The following FYB1 variants were observed in gnomAD, a reference collection of about 807,000 sequenced individuals.
FYB1 encodes FYN binding protein 1.
In FYB1, 41 loss-of-function variants were observed where a neutral mutation model predicts 94.1. The ratio of observed to expected loss-of-function variants is 0.44; its 90% CI spans 0.34 to 0.57. The LOEUF (loss-of-function observed/expected upper bound fraction) is 0.57, where lower values mean the gene tolerates loss of function less well. Among genes scored for constraint, FYB1 ranks in the 20% least tolerant of loss-of-function variants. The pLI, the probability that FYB1 is intolerant of heterozygous loss-of-function variation, is 0.02. For synonymous variants in FYB1, 367 were observed against 353.2 expected (o/e 1.04, Z -0.44); for missense variants, 1,050 against 976.8 (o/e 1.07, Z -1.00).
chr5:39,118,941 AC>A lies in FYB1; in HGVS notation c.2333del (p.Gly778ValfsTer4). The A allele has an allele frequency of 6.4e-7, 1 of 1,574,090 alleles. No homozygotes were observed. Among genetic ancestry groups the A allele is most frequent in the Non-Finnish European group, 8.7e-7 (1 of 1,155,564 alleles). On this transcript the variant is annotated frameshift_variant, in exon 16 of 19. Transcript: ENST00000512982. LOFTEE classifies it high-confidence loss of function. Reference protein sequence around the residue: ...WGTRDLQVKPGESLEVIQTTD... With the variant: ...WGTRDLQVKPXESLEVIQTTD... ...TGGTTTGTATAACTTCTAGAGATTC[AC>A]CAGGTTTTACCTGTAGATCTCTGGT...
intron 3 of FYB1, among the ~76,000 whole-genome samples, chr5:39,145,909 T>A (rs952335315): frequency 6.8e-6 from 1 of 147,118 alleles, no homozygotes; most frequent in Non-Finnish European, 1.5e-5. Flanking sequence ...TCTTTTTTTT[T>A]TTCTTTTTTT....
At chr5:39,162,895 T>C (rs968143094) in intron 2 of FYB1, among the ~76,000 whole-genome samples, 3 of 152,166 alleles carry the variant, frequency 2.0e-5, no homozygotes, top group Non-Finnish European at 2.9e-5. Flanking sequence ...TTATAAGACA[T>C]TTTATTTGTG....
At chr5:39,133,069 A>G (rs544043998) in intron 9 of FYB1, among the ~76,000 whole-genome samples, 1 of 152,370 alleles carries the variant, frequency 6.6e-6, no homozygotes, top group African/African-American at 2.4e-5. Context: ...TAGAAAGACA[A>G]AACTGCTAGA....
chr5:39,165,084 A>T (rs922603009), intron 2 of FYB1, among the ~76,000 whole-genome samples: 5 of 152,224 alleles, frequency 3.3e-5, no homozygotes, highest in African/African-American at 1.2e-4. Context: ...TAAGTTAAAT[A>T]TTTGCTACTT....
chr5:39,253,011 G>A (rs1561310397), intron 1 of FYB1, among the ~76,000 whole-genome samples: 1 of 152,208 alleles, frequency 6.6e-6, no homozygotes, highest in Non-Finnish European at 1.5e-5. Flanking sequence ...TTTAAAAAGT[G>A]ATTTGAACCT....
chr5:39,156,312 A>G (rs1743746936), intron 2 of FYB1, among the ~76,000 whole-genome samples: 1 of 152,150 alleles, frequency 6.6e-6, no homozygotes, highest in Admixed American at 6.5e-5. Flanking sequence ...CTAACTTGAG[A>G]AACCCAGGAA....
intron 2 of FYB1, among the ~76,000 whole-genome samples, chr5:39,189,440 C>T (rs185759233): frequency 3.4e-4 from 51 of 152,176 alleles, no homozygotes; most frequent in African/African-American, 1.1e-3. Context: ...GAAAATAAAC[C>T]CACTTCCTCC....
At chr5:39,203,948 T>C (rs1357439197) in intron 1 of FYB1, among the ~76,000 whole-genome samples, 1 of 152,222 alleles carries the variant, frequency 6.6e-6, no homozygotes, top group Non-Finnish European at 1.5e-5. Context: ...GGAGTTTAAA[T>C]TTTTAGTTCT....
chr5:39,160,980 T>G (rs1367401403), intron 2 of FYB1, among the ~76,000 whole-genome samples: 1 of 152,208 alleles, frequency 6.6e-6, no homozygotes, highest in Admixed American at 6.5e-5. Context: ...AAAAGCAAGA[T>G]TTAAAAAAAC....
chr5:39,149,369 T>A, intron 3 of FYB1, among the ~76,000 whole-genome samples: 1 of 152,192 alleles, frequency 6.6e-6, no homozygotes. Context: ...GGGAGAACTG[T>A]AAACCTTAGG....
chr5:39,188,092 T>C (rs980467930), intron 2 of FYB1, among the ~76,000 whole-genome samples: 9 of 152,142 alleles, frequency 5.9e-5, no homozygotes, highest in Non-Finnish European at 1.3e-4. Context: ...CTACCAATTA[T>C]TGAAGTAGTG....
At chr5:39,234,190 A>C (rs1299883832) in intron 1 of FYB1, among the ~76,000 whole-genome samples, 1 of 152,170 alleles carries the variant, frequency 6.6e-6, no homozygotes, top group Non-Finnish European at 1.5e-5. Flanking sequence ...TCATGGAAAC[A>C]TAAAGAGTAT....
chr5:39,261,305 T>TAA (rs34116289), intron 1 of FYB1, among the ~76,000 whole-genome samples: 1 of 122,112 alleles, frequency 8.2e-6, no homozygotes, highest in African/African-American at 3.0e-5. Context: ...AAAGTAGAAT[T>TAA]AAAAAAAAAA....
intron 1 of FYB1, among the ~76,000 whole-genome samples, chr5:39,228,300 T>C (rs1399228534): frequency 6.6e-6 from 1 of 152,238 alleles, no homozygotes; most frequent in African/African-American, 2.4e-5. Flanking sequence ...CAACTTTATA[T>C]ATAATGTTTA....
At chr5:39,185,220 T>G (rs1746637414) in intron 2 of FYB1, among the ~76,000 whole-genome samples, 1 of 152,156 alleles carries the variant, frequency 6.6e-6, no homozygotes, top group Admixed American at 6.5e-5. Context: ...GATGGTTGTC[T>G]TATTCTTACC....
intron 16 of FYB1, among the ~76,000 whole-genome samples, chr5:39,111,404 A>C (rs2150257308): frequency 6.6e-6 from 1 of 152,106 alleles, no homozygotes; most frequent in African/African-American, 2.4e-5. Flanking sequence ...ATAAGGAGAA[A>C]GCTCATAAGC....
In FYB1 at chr5:39,107,363, G is replaced by C. The variant is rs559508737; in HGVS notation, c.*80C>G. 18 of 943,116 alleles carry C rather than the reference G, an allele frequency of 1.9e-5. No individual in the cohort carries two copies. The African/African-American group carries it at 2.9e-4, about 15-fold the overall frequency. 58.4% of individuals were successfully genotyped at this position (943,116 alleles called of 1,614,324 possible). ...AGTGGTTTTGTGCATTAATTTTCTTGATACCCAATAACATGCCAATTAAAA... is the reference window on the plus strand; with the variant it reads ...AGTGGTTTTGTGCATTAATTTTCTTCATACCCAATAACATGCCAATTAAAA... On this transcript the variant is annotated 3_prime_UTR_variant, in exon 19 of 19. Coordinates refer to ENST00000512982, the MANE Select transcript of FYB1 (RefSeq NM_001465.6).
chr5:39,258,433 C>G (rs1369897316), intron 1 of FYB1, among the ~76,000 whole-genome samples: 1 of 152,072 alleles, frequency 6.6e-6, no homozygotes, highest in African/African-American at 2.4e-5. Flanking sequence ...AACCCCATCT[C>G]TAATAAAAAT....
chr5:39,257,316 C>T (rs1044303206), intron 1 of FYB1, among the ~76,000 whole-genome samples: 4 of 151,598 alleles, frequency 2.6e-5, no homozygotes, highest in Admixed American at 1.3e-4. Flanking sequence ...ACTTATAAAG[C>T]AAAGGTCCTA....
Sources: gnomAD v4.1 joint callset for allele counts (sites outside exome capture counted in the v4.1 genomes callset) on GRCh38, gnomAD v4.1.1 for gene constraint, MANE v1.5 for transcripts, NCBI Gene and HGNC (gene_info 2026-07-23, HGNC 2026-07-21) for gene names.